Variants in KATNA1 observed in about 807,000 individuals in gnomAD.
KATNA1 encodes katanin p60 ATPase-containing subunit A1.
Under a neutral mutation model 62.6 loss-of-function variants are expected in KATNA1, and 42 were observed. That is an observed-to-expected ratio of 0.67 (90% CI 0.52 to 0.87). The LOEUF (loss-of-function observed/expected upper bound fraction) is 0.87. Among genes scored for constraint, KATNA1 ranks in the 40% least tolerant of loss-of-function variants. The probability of loss-of-function intolerance (pLI) is 0.00; values close to 1 mark genes in which losing one functional copy is unlikely to be tolerated. For synonymous variants in KATNA1, 186 were observed against 201.9 expected (o/e 0.92, Z 0.67); for missense variants, 498 against 612.5 (o/e 0.81, Z 1.97).
At chr6:149,635,480 C>A (rs999512489) in intron 2 of KATNA1, among the ~76,000 whole-genome samples, 17 of 152,220 alleles carry the variant, frequency 1.1e-4, no homozygotes, top group African/African-American at 4.1e-4. Flanking sequence ...CTGAGGAGGG[C>A]AGATCACCTG....
chr6:149,630,499 C>G (rs1013680996), intron 3 of KATNA1, among the ~76,000 whole-genome samples: 1 of 151,992 alleles, frequency 6.6e-6, no homozygotes. Context: ...CGTGGTGGCA[C>G]GTGCCTGTAA....
chr6:149,601,453 A>G (rs945897655), intron 7 of KATNA1, 141 bp downstream of exon 7: 1 of 520,884 alleles, frequency 1.9e-6, no homozygotes, highest in Middle Eastern at 5.0e-4. Context: ...TTGTAAAGAA[A>G]TCTAGCTTTA....
chr6:149,625,824 C>G (rs1779583455), intron 3 of KATNA1, among the ~76,000 whole-genome samples: 1 of 151,536 alleles, frequency 6.6e-6, no homozygotes, highest in East Asian at 1.9e-4. Flanking sequence ...ATCTCAGCTA[C>G]TTGGGAGGCT....
intron 4 of KATNA1, among the ~76,000 whole-genome samples, chr6:149,612,300 G>T (rs1486826296): frequency 6.6e-6 from 1 of 152,096 alleles, no homozygotes; most frequent in African/African-American, 2.4e-5. Flanking sequence ...CTGAGGTCAG[G>T]AGTTCAAGAT....
intron 4 of KATNA1, among the ~76,000 whole-genome samples, chr6:149,622,733 G>A (rs1779446847): frequency 8.2e-6 from 1 of 122,074 alleles, no homozygotes; most frequent in Non-Finnish European, 1.6e-5. Context: ...GCTCACACCT[G>A]TAATCCCAGC....
intron 4 of KATNA1, among the ~76,000 whole-genome samples, chr6:149,621,482 G>T: frequency 6.6e-6 from 1 of 150,882 alleles, no homozygotes; most frequent in East Asian, 2.0e-4. Flanking sequence ...TGGTATGCCT[G>T]CCAAAAATGA....
chr6:149,616,443 A>G (rs1156848025), intron 4 of KATNA1, among the ~76,000 whole-genome samples: 1 of 152,316 alleles, frequency 6.6e-6, no homozygotes, highest in South Asian at 2.1e-4. Context: ...CACTGTGGAA[A>G]ACAGTTTTGT....
intron 6 of KATNA1, among the ~76,000 whole-genome samples, chr6:149,602,085 G>A (rs191906199): frequency 5.3e-5 from 8 of 152,152 alleles, no homozygotes; most frequent in Non-Finnish European, 8.8e-5. Context: ...TAACTTATTC[G>A]GCCAGCCATG....
intron 4 of KATNA1, among the ~76,000 whole-genome samples, chr6:149,611,462 C>CAAAAAAA (rs1179618459): frequency 1.2e-3 from 40 of 32,764 alleles, no homozygotes; most frequent in East Asian, 1.6e-3. Context: ...AACTCTGTCT[C>CAAAAAAA]AAAAAAAAAA....
At chr6:149,597,732 TACA>T (rs1389245828) in intron 8 of KATNA1, 91 bp from the exon 9 acceptor site, 59 of 1,203,936 alleles carry the variant, frequency 4.9e-5, no homozygotes, top group Non-Finnish European at 6.6e-5. Flanking sequence ...AACTATTTAG[TACA>T]ACAATACAAG....
intron 2 of KATNA1, among the ~76,000 whole-genome samples, chr6:149,636,858 T>C (rs1009817536): frequency 6.6e-5 from 10 of 151,810 alleles, no homozygotes; most frequent in Non-Finnish European, 1.3e-4. Context: ...GTCAGGCTGG[T>C]CTCGAACTCC....
intron 4 of KATNA1, among the ~76,000 whole-genome samples, chr6:149,614,323 G>A (rs1316401758): frequency 9.9e-5 from 15 of 152,178 alleles, no homozygotes. Flanking sequence ...ATTGTTGCAA[G>A]CCCTTCCCCT....
intron 3 of KATNA1, among the ~76,000 whole-genome samples, chr6:149,630,426 C>G (rs1031301422): frequency 1.3e-5 from 2 of 152,192 alleles, no homozygotes; most frequent in African/African-American, 4.8e-5. Context: ...GTCAGGAGTT[C>G]AAGACCAGCC....
intron 3 of KATNA1, among the ~76,000 whole-genome samples, chr6:149,627,417 T>A (rs1582793043): frequency 1.3e-5 from 2 of 150,178 alleles, no homozygotes; most frequent in South Asian, 2.1e-4. Flanking sequence ...TACAAAAAAA[T>A]TAGCTGGGCG....
intron 3 of KATNA1, among the ~76,000 whole-genome samples, chr6:149,629,516 G>A (rs539333875): frequency 2.0e-5 from 3 of 152,226 alleles, no homozygotes; most frequent in Admixed American, 6.6e-5. Flanking sequence ...TATTGTGGTA[G>A]CCCAAGCAGA....
At chr6:149,631,204 T>C (rs1408690635) in intron 3 of KATNA1, among the ~76,000 whole-genome samples, 2 of 151,880 alleles carry the variant, frequency 1.3e-5, no homozygotes, top group East Asian at 1.9e-4. Context: ...TCGAGACCAG[T>C]CTGGCCAACA....
At chr6:149,597,378 C>T (rs1363811215) in intron 9 of KATNA1, 129 bp downstream of exon 9, 20 of 1,239,454 alleles carry the variant, frequency 1.6e-5, no homozygotes, top group South Asian at 2.9e-5. Flanking sequence ...TATAGCCAAA[C>T]TAGTACTGTA....
At chr6:149,600,877 G>A (rs542977022) in intron 7 of KATNA1, among the ~76,000 whole-genome samples, 3 of 151,964 alleles carry the variant, frequency 2.0e-5, no homozygotes, top group South Asian at 2.1e-4. Context: ...GGGAGGTCAC[G>A]GATGCAGCGA....
At chr6:149,595,501 A>C (rs1376163592) in intron 10 of KATNA1, among the ~76,000 whole-genome samples, 1 of 152,210 alleles carries the variant, frequency 6.6e-6, no homozygotes, top group Non-Finnish European at 1.5e-5. Context: ...AGTGGGGTTA[A>C]AGCTAGCAAT....
Sources: allele counts gnomAD v4.1 joint callset (sites outside exome capture counted in the v4.1 genomes callset), GRCh38; gene constraint gnomAD v4.1.1; transcripts MANE v1.5; gene names NCBI Gene and HGNC (gene_info 2026-07-23, HGNC 2026-07-21).